IGF1R: variants seen among roughly 807,000 people sequenced by gnomAD.
The protein encoded by IGF1R is insulin-like growth factor 1 receptor.
In IGF1R, 44 loss-of-function variants were observed where a neutral mutation model predicts 144.6. The ratio of observed to expected loss-of-function variants is 0.30; its 90% CI spans 0.24 to 0.39. The LOEUF (loss-of-function observed/expected upper bound fraction) is 0.39. Among genes scored for constraint, IGF1R ranks in the 10% least tolerant of loss-of-function variants. The pLI is 1.00. For missense variants in IGF1R, 1,355 were observed against 1,833.7 expected (o/e 0.74, Z 4.77); for synonymous variants, 795 against 722.8 (o/e 1.10, Z -1.60).
Position 98,649,620 on chromosome 15 carries a change from G to A in IGF1R, c.39G>A (p.Leu13=). 1 of 1,608,308 alleles carries A rather than the reference G, an allele frequency of 6.2e-7. No homozygotes were observed. Among genetic ancestry groups the A allele is most frequent in the Non-Finnish European group, 8.5e-7 (1 of 1,178,724 alleles). ...CCGGAGGAGGGTCCCCGACCTCGCTGTGGGGGCTCCTGTTTCTCTCCGCCG... is the reference window on the plus strand; with the variant it reads ...CCGGAGGAGGGTCCCCGACCTCGCTATGGGGGCTCCTGTTTCTCTCCGCCG... ...SGSGGGSPTS[L]WGLLFLSAAL... Residue 13 remains leucine (L), a synonymous_variant, in exon 1 of 21, where the codon CTG becomes CTA. Transcript: ENST00000650285.
At chr15:98,898,357 G>A (rs913295049) in intron 4 of IGF1R, among the ~76,000 whole-genome samples, 6 of 152,208 alleles carry the variant, frequency 3.9e-5, no homozygotes, top group African/African-American at 1.4e-4. Context: ...GATGCATGAT[G>A]ATGAAATGTG....
chr15:98,939,560 A>T (rs768603689), intron 18 of IGF1R, among the ~76,000 whole-genome samples, 200 bp downstream of exon 18: 37 of 152,174 alleles, frequency 2.4e-4, no homozygotes, highest in Admixed American at 2.4e-3. Context: ...GCTCATGGAC[A>T]TGGTGGTTCA....
At chr15:98,866,585 G>C (rs2012460556) in intron 2 of IGF1R, among the ~76,000 whole-genome samples, 1 of 152,198 alleles carries the variant, frequency 6.6e-6, no homozygotes. Context: ...GTAGTAGATA[G>C]CTCTGCCTGG....
intron 3 of IGF1R, among the ~76,000 whole-genome samples, chr15:98,894,480 C>G (rs2014079501): frequency 6.6e-6 from 1 of 152,200 alleles, no homozygotes; most frequent in African/African-American, 2.4e-5. Context: ...AATATTATTA[C>G]TCAGCAATAA....
At chr15:98,835,182 A>AACCTACACCCACACACCTTCCCACACAG (rs1567152974) in intron 2 of IGF1R, among the ~76,000 whole-genome samples, 115 of 132,938 alleles carry the variant, frequency 8.7e-4, no homozygotes, top group South Asian at 6.3e-3. Context: ...TTCCCACACA[A>AACCTACACCCACACACCTTCCCACACAG]ACCTACACCC....
Position 98,679,678 on chromosome 15 carries a change from T to C in IGF1R, c.95-27884T>C, listed in dbSNP as rs528399263. On this transcript the variant is annotated intron_variant, in intron 1 of 20. Transcript: ENST00000650285. ...TTACTGGTGTATGTATTTACTATGC[T>C]GTACTTTTAATTGTTAGAGTGTACT... 2.2e-5 allele frequency among the ~76,000 whole-genome samples: 3 copies of C among 136,372 alleles called. No individual in the cohort carries two copies. The East Asian group carries it at 6.0e-4, about 27-fold the overall frequency. The allele number at this position is 136,372 out of a possible 152,430, so 89.5% of individuals were successfully genotyped here.
Position 98,899,662 on chromosome 15 carries a change from A to C in IGF1R, c.1247+41A>C, listed in dbSNP as rs17847198. On this transcript the variant is annotated intron_variant, in intron 5 of 20. Transcript: ENST00000650285. ...TTCATGAGCTGACGTTCTATTACAA[A>C]ATAAGCAGCGTGCTTATGAAACTGT... The C allele has an allele frequency of 5.2e-4, 830 of 1,600,254 alleles. 5 individuals are homozygous for C. In the East Asian group the frequency reaches 9.2e-3, roughly 18 times the overall value.
At chr15:98,832,382 T>G (rs2057017835) in intron 2 of IGF1R, among the ~76,000 whole-genome samples, 1 of 152,160 alleles carries the variant, frequency 6.6e-6, no homozygotes, top group South Asian at 2.1e-4. Context: ...GCTCATTATG[T>G]TTTTAAATGA....
Position 98,707,482 on chromosome 15 carries a change from CCAACTG to C in IGF1R, c.95-79_95-74del. On this transcript the variant is annotated intron_variant, in intron 1 of 20. Coordinates refer to ENST00000650285, the MANE Select transcript of IGF1R (RefSeq NM_000875.5). This position sits in a 1 kb window ranked among gnomAD's most constrained non-coding sequence, Gnocchi z 6.7. ...AATAATAATACAGGATTCCTGAAAA[CCAACTG>C]TATTATTGTTTGGAAAATAGTTTAA... is the stretch of plus-strand genomic sequence containing the variant. The C allele has an allele frequency of 1.5e-6, 2 of 1,356,956 alleles. No individual in the cohort carries two copies. The highest frequency in any genetic ancestry group is 3.8e-5 in the Admixed American group (2 of 51,952). 84.1% of individuals were successfully genotyped at this position (1,356,956 alleles called of 1,614,324 possible).
At chr15:98,899,659 C>G in intron 5 of IGF1R, 38 bp downstream of exon 5, 1 of 1,600,030 alleles carries the variant, frequency 6.2e-7, no homozygotes, top group Non-Finnish European at 8.6e-7. Flanking sequence ...CGTTCTATTA[C>G]AAAATAAGCA....
intron 10 of IGF1R, among the ~76,000 whole-genome samples, chr15:98,920,823 C>G: frequency 6.6e-6 from 1 of 152,188 alleles, no homozygotes; most frequent in East Asian, 1.9e-4. Context: ...GTGTTTTCCT[C>G]AGGGGAATCC....
chr15:98,713,344 G>A (rs182146167), intron 2 of IGF1R, among the ~76,000 whole-genome samples: 106 of 152,288 alleles, frequency 7.0e-4, no homozygotes, highest in Non-Finnish European at 9.8e-4. Flanking sequence ...AGAGAGTAGC[G>A]TATCCTGGCA....
chr15:98,880,594 A>G (rs191199207), intron 2 of IGF1R: 240 of 152,374 alleles, frequency 1.6e-3, no homozygotes, highest in African/African-American at 5.5e-3. Context: ...GATTATATAC[A>G]CCACCAAGGG....
At chr15:98,942,400 C>T (rs1332095061) in intron 18 of IGF1R, among the ~76,000 whole-genome samples, 1 of 152,166 alleles carries the variant, frequency 6.6e-6, no homozygotes. Flanking sequence ...GTGTTGTGAT[C>T]ATGGCTCACT....
chr15:98,957,108 C>A lies in IGF1R; in HGVS notation c.3770C>A (p.Pro1257His). 1 of 1,614,240 alleles carries A rather than the reference C, an allele frequency of 6.2e-7. No individual in the cohort carries two copies. The highest frequency in any genetic ancestry group is 8.5e-7 in the Non-Finnish European group (1 of 1,180,030). The change falls in exon 21 of 21, where the codon CCT (proline) becomes CAT (histidine). Residue 1257 changes from proline (P) to histidine (H), a missense_variant. Physicochemically the swap from Pro to His is moderately conservative, Grantham distance 77. This residue lies in a region of IGF1R where 219 missense variants were observed against 188.8 expected (regional missense o/e 1.16). Transcript: ENST00000650285. ...MCWQYNPKMR[P>H]SFLEIISSIK... ...TGGCAGTATAACCCCAAGATGAGGCCTTCCTTCCTGGAGATCATCAGCAGC... is the reference window on the plus strand; with the variant it reads ...TGGCAGTATAACCCCAAGATGAGGCATTCCTTCCTGGAGATCATCAGCAGC...
chr15:98,871,104 C>T (rs1321540640), intron 2 of IGF1R, among the ~76,000 whole-genome samples: 1 of 152,244 alleles, frequency 6.6e-6, no homozygotes, highest in Admixed American at 6.5e-5. Context: ...TTGCTTGCAA[C>T]TCAGATATCC....
At chr15:98,919,154 T>A (rs2015379088) in intron 10 of IGF1R, among the ~76,000 whole-genome samples, 1 of 152,174 alleles carries the variant, frequency 6.6e-6, no homozygotes, top group Non-Finnish European at 1.5e-5. Context: ...ACATCCTAAT[T>A]AATTAAGAAT....
intron 2 of IGF1R, among the ~76,000 whole-genome samples, chr15:98,771,437 G>A (rs970758552): frequency 3.9e-5 from 6 of 152,308 alleles, no homozygotes; most frequent in East Asian, 1.9e-4. Flanking sequence ...GCAAACCGAT[G>A]TGCAGATATG....
rs991086758 is a variant in IGF1R, at chr15:98,958,618, T to C, written c.*1176T>C. The C allele has an allele frequency of 4.3e-6, 1 of 232,586 alleles. No homozygotes were observed. Among genetic ancestry groups the C allele is most frequent in the African/African-American group, 2.2e-5 (1 of 45,308 alleles). 14.4% of individuals were successfully genotyped at this position (232,586 alleles called of 1,614,324 possible). A position where few individuals can be genotyped will look rare whatever the true frequency, so the allele number is the denominator to read the frequency against. Reference sequence around the variant, plus strand: ...GGTCTTACAGTTCTATGTTAGACCATGAAACATTTGCATACACATCGTCTT... The same window carrying C: ...GGTCTTACAGTTCTATGTTAGACCACGAAACATTTGCATACACATCGTCTT... On this transcript the variant is annotated 3_prime_UTR_variant, in exon 21 of 21. Coordinates refer to ENST00000650285, the MANE Select transcript of IGF1R (RefSeq NM_000875.5).
Sources: gnomAD v4.1 joint callset for allele counts (sites outside exome capture counted in the v4.1 genomes callset) on GRCh38, gnomAD v4.1.1 for gene constraint, gnomAD v4.1.1 regional missense constraint, Gnocchi (gnomAD v3.1) non-coding constraint, MANE v1.5 for transcripts, NCBI Gene and HGNC (gene_info 2026-07-23, HGNC 2026-07-21) for gene names.